PTPRQ: variants seen among roughly 807,000 people sequenced by gnomAD.
The protein encoded by PTPRQ is protein tyrosine phosphatase receptor type Q, also known as phosphatidylinositol phosphatase PTPRQ.
A neutral mutation model predicts 246.0 loss-of-function variants in PTPRQ; 199 were observed. The ratio of observed to expected loss-of-function variants is 0.81; its 90% CI spans 0.72 to 0.91. The LOEUF is 0.91. Ranked by LOEUF, PTPRQ falls within the 40% of genes least tolerant of loss-of-function variation. The pLI is 0.00. For synonymous variants in PTPRQ, 869 were observed against 853.2 expected, an observed-to-expected ratio of 1.02 and a Z score of -0.32; for missense variants, 2,624 against 2,528.4, an observed-to-expected ratio of 1.04 and a Z score of -0.81.
intron 17 of PTPRQ, among the ~76,000 whole-genome samples, 155 bp downstream of exon 17, chr12:80,510,598 C>T (rs2120715184): frequency 6.6e-6 from 1 of 152,014 alleles, no homozygotes; most frequent in Middle Eastern, 3.4e-3. Context: ...CAAGTTTTTC[C>T]ATATTATGTA....
chr12:80,506,611 G>A lies in PTPRQ; in HGVS notation c.2498G>A (p.Ser833Asn). ...YTQYIIEVSA[S>N]TLKGEGVRSA... ...CAATATATCATTGAGGTGTCTGCTA[G>A]TACACTCAAAGGTGAAGGAGTTCGG... The change falls in exon 16 of 45, where the codon AGT becomes AAT. Residue 833 changes from serine to asparagine, a missense_variant. Coordinates refer to ENST00000644991, the MANE Select transcript of PTPRQ (RefSeq NM_001145026.2). The A allele has an allele frequency of 1.3e-6, 2 of 1,543,176 alleles. No individual in the cohort carries two copies. The highest frequency in any genetic ancestry group is 2.5e-5 in the East Asian group (1 of 40,700).
At chr12:80,627,599 T>C (rs1306931506) in intron 33 of PTPRQ, among the ~76,000 whole-genome samples, 1 of 151,996 alleles carries the variant, frequency 6.6e-6, no homozygotes, top group Non-Finnish European at 1.5e-5. Context: ...TAAATAATGA[T>C]AACTTCAGTC....
chr12:80,639,508 G>A (rs980583244), intron 35 of PTPRQ, among the ~76,000 whole-genome samples: 2 of 151,862 alleles, frequency 1.3e-5, no homozygotes, highest in African/African-American at 4.8e-5. Flanking sequence ...CAATAATCAC[G>A]AATAGAATTA....
intron 3 of PTPRQ, among the ~76,000 whole-genome samples, chr12:80,450,477 T>C (rs911623751): frequency 4.6e-4 from 70 of 152,278 alleles, no homozygotes; most frequent in East Asian, 1.9e-3. Flanking sequence ...GGAATGCTTC[T>C]GGTTTTTGCC....
rs964415542 is a variant in PTPRQ, at chr12:80,588,398, A to C, written c.4555A>C (p.Asn1519His). Residue 1519 changes from asparagine (N) to histidine (H), a missense_variant, in exon 26 of 45, where the codon AAT becomes CAT. Physicochemically the swap from Asn to His is moderately conservative, Grantham distance 68. Transcript: ENST00000644991. ...WYRFQVAAST[N>H]AGYGNASNWI... ...TAGATTCCAAGTGGCTGCCAGCACCAATGCTGGCTATGGCAATGCTTCAAA... is the reference window on the plus strand; with the variant it reads ...TAGATTCCAAGTGGCTGCCAGCACCCATGCTGGCTATGGCAATGCTTCAAA... 4.6e-6 allele frequency: 7 copies of C among 1,525,394 alleles called. No individual in the cohort carries two copies. Among genetic ancestry groups the C allele is most frequent in the Non-Finnish European group, 6.2e-6 (7 of 1,133,368 alleles). The allele number at this position is 1,525,394 out of a possible 1,614,324, so 94.5% of individuals were successfully genotyped here. A position where few individuals can be genotyped will look rare whatever the true frequency, so the allele number is the denominator to read the frequency against.
chr12:80,485,699 A>C (rs1374727533), intron 9 of PTPRQ, among the ~76,000 whole-genome samples: 1 of 152,028 alleles, frequency 6.6e-6, no homozygotes, highest in South Asian at 2.1e-4. Context: ...TTTCTGTGAT[A>C]CTCTGGTTGA....
chr12:80,542,080 C>CT lies in PTPRQ; in HGVS notation c.3446-5dup, dbSNP rs544769020. 1,045 of 1,531,348 alleles carry CT rather than the reference C, an allele frequency of 6.8e-4. 10 individuals carry two copies. The South Asian group carries it at 0.01, about 15-fold the overall frequency. 94.9% of individuals were successfully genotyped at this position (1,531,348 alleles called of 1,614,324 possible). On this transcript the variant is annotated splice_polypyrimidine_tract_variant and intron_variant, in intron 21 of 44. Coordinates refer to ENST00000644991, the MANE Select transcript of PTPRQ (RefSeq NM_001145026.2). The stretch of plus-strand genomic sequence containing the variant: ...TTGTTTCATTTAATATTCTCTTTTT[C>CT]TTTTATAGTCCCAGAAACTTCACCA...
chr12:80,477,350 T>A (rs1451732034), intron 8 of PTPRQ, among the ~76,000 whole-genome samples: 1 of 152,218 alleles, frequency 6.6e-6, no homozygotes, highest in East Asian at 1.9e-4. Context: ...TTGTTATAAT[T>A]TTTATGAAAC....
chr12:80,623,229 T>C (rs967419276), intron 33 of PTPRQ, among the ~76,000 whole-genome samples: 1 of 152,150 alleles, frequency 6.6e-6, no homozygotes, highest in Non-Finnish European at 1.5e-5. Flanking sequence ...ATGGAAATAC[T>C]AATTGTATAA....
intron 26 of PTPRQ, among the ~76,000 whole-genome samples, chr12:80,603,603 T>C (rs779688590): frequency 2.0e-5 from 3 of 151,676 alleles, no homozygotes; most frequent in Non-Finnish European, 4.4e-5. Flanking sequence ...TAGAGTAATT[T>C]ATTTTTTACT....
intron 25 of PTPRQ, among the ~76,000 whole-genome samples, chr12:80,565,098 G>A (rs561735472): frequency 1.3e-5 from 2 of 152,298 alleles, no homozygotes; most frequent in South Asian, 2.1e-4. Context: ...TATGGGAAAT[G>A]TTTAAAGTTC....
intron 33 of PTPRQ, among the ~76,000 whole-genome samples, chr12:80,622,591 A>T (rs1213861361): frequency 6.6e-6 from 1 of 151,880 alleles, no homozygotes; most frequent in South Asian, 2.1e-4. Flanking sequence ...CCTAATGTTG[A>T]CTCCATTTTA....
At chr12:80,615,281 T>A (rs1015525698) in intron 29 of PTPRQ, among the ~76,000 whole-genome samples, 3 of 151,044 alleles carry the variant, frequency 2.0e-5, no homozygotes, top group Non-Finnish European at 4.5e-5. Context: ...ATTTATCATA[T>A]CTACCACATG....
Position 80,620,140 on chromosome 12 carries a change from G to A in PTPRQ, c.5390-14G>A, listed in dbSNP as rs1354815348. Reference sequence around the variant, plus strand: ...GTTACTTGGAATTATTGTTCTCTTTGTTTCTGAAAACAGCTCAGCATGATG... The same window carrying A: ...GTTACTTGGAATTATTGTTCTCTTTATTTCTGAAAACAGCTCAGCATGATG... On this transcript the variant is annotated splice_polypyrimidine_tract_variant and intron_variant, in intron 31 of 44. Coordinates refer to ENST00000644991, the MANE Select transcript of PTPRQ (RefSeq NM_001145026.2). 1 of 1,525,694 alleles carries A rather than the reference G, an allele frequency of 6.6e-7. No homozygotes were observed. The highest frequency in any genetic ancestry group is 8.8e-7 in the Non-Finnish European group (1 of 1,137,110). The allele number at this position is 1,525,694 out of a possible 1,614,324, so 94.5% of individuals were successfully genotyped here.
intron 33 of PTPRQ, among the ~76,000 whole-genome samples, chr12:80,626,535 A>G (rs1899207184): frequency 6.6e-6 from 1 of 152,162 alleles, no homozygotes; most frequent in South Asian, 2.1e-4. Flanking sequence ...ACTCTGTAAC[A>G]ACACCTCCTA....
chr12:80,471,169 A>G (rs2120540484), intron 7 of PTPRQ, among the ~76,000 whole-genome samples: 1 of 152,160 alleles, frequency 6.6e-6, no homozygotes, highest in East Asian at 1.9e-4. Flanking sequence ...GGAGGGAGAG[A>G]GAATAGTAAA....
intron 8 of PTPRQ, among the ~76,000 whole-genome samples, chr12:80,477,149 A>G (rs1392401361): frequency 6.6e-6 from 1 of 152,128 alleles, no homozygotes; most frequent in Non-Finnish European, 1.5e-5. Flanking sequence ...GTTTGTTCCT[A>G]TTTTTATTTA....
chr12:80,562,869 C>T (rs562000515), intron 25 of PTPRQ, among the ~76,000 whole-genome samples: 4 of 151,916 alleles, frequency 2.6e-5, no homozygotes, highest in Admixed American at 2.0e-4. Context: ...ATTGACAAAT[C>T]TCTAGCAAGC....
At chr12:80,494,306 A>T (rs1894541757) in intron 10 of PTPRQ, among the ~76,000 whole-genome samples, 1 of 152,008 alleles carries the variant, frequency 6.6e-6, no homozygotes, top group African/African-American at 2.4e-5. Context: ...AGAAGCACAA[A>T]TTCTAAATAA....
Sources: gnomAD v4.1 joint callset for allele counts (sites outside exome capture counted in the v4.1 genomes callset) on GRCh38, gnomAD v4.1.1 for gene constraint, MANE v1.5 for transcripts, NCBI Gene and HGNC (gene_info 2026-07-23, HGNC 2026-07-21) for gene names.